The following GRM8 variants were observed in gnomAD, a reference collection of about 807,000 sequenced individuals.
GRM8 encodes the protein metabotropic glutamate receptor 8.
GRM8 carries 47 observed loss-of-function variants against 87.2 expected under a neutral mutation model. That is an observed-to-expected ratio of 0.54 (90% CI 0.43 to 0.69). The LOEUF is 0.69. GRM8 is among the 30% of genes least tolerant of loss of function. The pLI is 0.00. For missense variants in GRM8, 1,019 were observed against 1,139.2 expected, an observed-to-expected ratio of 0.89 and a Z score of 1.52; for synonymous variants, 396 against 404.5, an observed-to-expected ratio of 0.98 and a Z score of 0.25.
intron 7 of GRM8, among the ~76,000 whole-genome samples, chr7:126,613,377 A>G (rs1799114206): frequency 6.6e-6 from 1 of 152,192 alleles, no homozygotes; most frequent in Non-Finnish European, 1.5e-5. Flanking sequence ...ACAGGTAAGA[A>G]ATATAACTTT....
intron 6 of GRM8, among the ~76,000 whole-genome samples, chr7:126,770,732 T>G (rs1818751377): frequency 6.6e-6 from 1 of 152,094 alleles, no homozygotes; most frequent in Admixed American, 6.6e-5. Context: ...GAGATTACTT[T>G]TAGGTTGGTG....
intron 9 of GRM8, among the ~76,000 whole-genome samples, chr7:126,527,892 G>A (rs369994203): frequency 6.6e-5 from 10 of 152,104 alleles, no homozygotes; most frequent in Non-Finnish European, 1.0e-4. Context: ...TCTACTCTTC[G>A]GGCAAGCCTC....
intron 2 of GRM8, among the ~76,000 whole-genome samples, chr7:127,176,000 G>A (rs4319019): frequency 6.6e-6 from 1 of 152,124 alleles, no homozygotes; most frequent in Non-Finnish European, 1.5e-5. Flanking sequence ...GTTGATTATA[G>A]AATATGAATA....
chr7:126,758,942 G>C lies in GRM8; in HGVS notation c.1357+10923C>G, dbSNP rs548389165. Among the ~76,000 whole-genome samples, 38 of 151,972 alleles carry C rather than the reference G, an allele frequency of 2.5e-4. No individual in the cohort carries two copies. In the South Asian group the frequency reaches 7.5e-3, roughly 30 times the overall value. On this transcript the variant is annotated intron_variant, in intron 7 of 10. Coordinates refer to ENST00000339582, the MANE Select transcript of GRM8 (RefSeq NM_000845.3). ...AGACAGAGTCTCCCTCTGTCACCCA[G>C]GCTGAAGTGCAGTGGCGGGATCCTG...
intron 7 of GRM8, among the ~76,000 whole-genome samples, chr7:126,711,040 T>C (rs553631859): frequency 1.3e-5 from 2 of 152,156 alleles, no homozygotes; most frequent in Non-Finnish European, 2.9e-5. Flanking sequence ...CTGGGCATGG[T>C]GGTGCATACC....
At chr7:127,047,544 T>G (rs1397857183) in intron 3 of GRM8, among the ~76,000 whole-genome samples, 2 of 152,094 alleles carry the variant, frequency 1.3e-5, no homozygotes, top group African/African-American at 4.8e-5. Context: ...TAAAAAGCAA[T>G]GCAGTCCAGA....
At chr7:127,055,047 T>C (rs1586867686) in intron 3 of GRM8, among the ~76,000 whole-genome samples, 1 of 152,094 alleles carries the variant, frequency 6.6e-6, no homozygotes, top group Non-Finnish European at 1.5e-5. Context: ...ATTTCTGTAA[T>C]AATAGAAATA....
rs145043919 is a variant in GRM8, at chr7:126,852,057, T to C, written c.1156+50485A>G. ...CAGTCTGGCCCACATCTCCACTGGC[T>C]GGAGGGGTTGGTGTTAAATATGCAT... is the stretch of plus-strand genomic sequence containing the variant. On this transcript the variant is annotated intron_variant, in intron 6 of 10. Coordinates refer to ENST00000339582, the MANE Select transcript of GRM8 (RefSeq NM_000845.3). 3.8e-3 allele frequency among the ~76,000 whole-genome samples: 571 copies of C among 152,204 alleles called. 6 individuals are homozygous for C. Among genetic ancestry groups the C allele is most frequent in the African/African-American group, 0.013 (544 of 41,544 alleles).
At chr7:126,940,568 A>G (rs1806810197) in intron 3 of GRM8, among the ~76,000 whole-genome samples, 1 of 152,204 alleles carries the variant, frequency 6.6e-6, no homozygotes, top group Admixed American at 6.5e-5. Flanking sequence ...CTAAGACCAG[A>G]ATCCATCAAC....
chr7:127,216,531 AAAAC>A (rs1796557889), intron 2 of GRM8, among the ~76,000 whole-genome samples: 4 of 150,338 alleles, frequency 2.7e-5, no homozygotes, highest in South Asian at 2.1e-4. Context: ...AAAAAAAAAA[AAAAC>A]AAAAAAAAAA....
intron 3 of GRM8, among the ~76,000 whole-genome samples, chr7:126,950,026 T>C (rs573901568): frequency 6.6e-6 from 1 of 152,296 alleles, no homozygotes; most frequent in East Asian, 1.9e-4. Context: ...AAAATGAACA[T>C]CACAAATAAG....
intron 7 of GRM8, among the ~76,000 whole-genome samples, chr7:126,706,177 T>A (rs1312197176): frequency 6.6e-6 from 1 of 152,196 alleles, no homozygotes; most frequent in African/African-American, 2.4e-5. Flanking sequence ...TAGTAGATTT[T>A]AAAAATCTAT....
At chr7:126,770,352 C>A (rs1350132380) in intron 6 of GRM8, among the ~76,000 whole-genome samples, 2 of 152,004 alleles carry the variant, frequency 1.3e-5, no homozygotes, top group Non-Finnish European at 2.9e-5. Flanking sequence ...ATTGTGCATT[C>A]TAGTAATTAC....
chr7:126,867,091 T>C (rs1202591746), intron 6 of GRM8, among the ~76,000 whole-genome samples: 2 of 152,172 alleles, frequency 1.3e-5, no homozygotes, highest in African/African-American at 4.8e-5. Flanking sequence ...AGCATGGAAT[T>C]ATAAAATCTT....
At chr7:126,851,940 GAGTACTC>G (rs1387834443) in intron 6 of GRM8, among the ~76,000 whole-genome samples, 1 of 152,102 alleles carries the variant, frequency 6.6e-6, no homozygotes, top group Non-Finnish European at 1.5e-5. Flanking sequence ...GCTGTATAAA[GAGTACTC>G]AGTACGTATT....
chr7:127,036,591 C>A (rs1178138558), intron 3 of GRM8, among the ~76,000 whole-genome samples: 1 of 152,142 alleles, frequency 6.6e-6, no homozygotes, highest in Non-Finnish European at 1.5e-5. Flanking sequence ...ATAGTATTGG[C>A]CCTAATAGGA....
At chr7:126,922,153 C>T (rs1261801546) in intron 3 of GRM8, among the ~76,000 whole-genome samples, 2 of 151,968 alleles carry the variant, frequency 1.3e-5, no homozygotes, top group African/African-American at 4.8e-5. Flanking sequence ...AAGCATATGA[C>T]AAAGCAAGAA....
At chr7:126,562,621 G>A (rs761681938) in intron 8 of GRM8, among the ~76,000 whole-genome samples, 18 of 152,196 alleles carry the variant, frequency 1.2e-4, no homozygotes, top group Non-Finnish European at 1.6e-4. Context: ...GTTGCCCGGC[G>A]TGGTGGCTCA....
intron 8 of GRM8, among the ~76,000 whole-genome samples, chr7:126,545,368 A>G (rs1008854404): frequency 2.6e-5 from 4 of 152,222 alleles, no homozygotes; most frequent in African/African-American, 9.6e-5. Flanking sequence ...ATTTTAACTT[A>G]TGATAATTCT....
Sources: gnomAD v4.1 joint callset for allele counts (sites outside exome capture counted in the v4.1 genomes callset) on GRCh38, gnomAD v4.1.1 for gene constraint, MANE v1.5 for transcripts, NCBI Gene and HGNC (gene_info 2026-07-23, HGNC 2026-07-21) for gene names.